The following TATDN1 variants were observed in gnomAD, a reference collection of about 807,000 sequenced individuals.
The protein encoded by TATDN1 is deoxyribonuclease TATDN1.
Under a neutral mutation model 46.4 loss-of-function variants are expected in TATDN1, and 40 were observed. The ratio of observed to expected loss-of-function variants is 0.86; its 90% CI spans 0.67 to 1.12. The LOEUF (loss-of-function observed/expected upper bound fraction) is 1.12, where lower values mean the gene tolerates loss of function less well. TATDN1 is among the 50% of genes most tolerant of loss of function. TATDN1 has a pLI of 0.00. For missense variants in TATDN1, 326 were observed against 348.4 expected (o/e 0.94, Z 0.51); for synonymous variants, 95 against 105.6 (o/e 0.90, Z 0.62).
intron 3 of TATDN1, chr8:124,521,496 A>T (rs1291792936): frequency 6.6e-6 from 1 of 152,222 alleles, no homozygotes; most frequent in East Asian, 1.9e-4. Flanking sequence ...AATAACAAAT[A>T]AAAGTTTAGA....
chr8:124,490,766 T>TGA (rs1283007006), intron 11 of TATDN1, among the ~76,000 whole-genome samples: 5 of 146,186 alleles, frequency 3.4e-5, no homozygotes, highest in Admixed American at 2.1e-4. Context: ...TTTTTTTTTT[T>TGA]GAGAGAGTCT....
intron 1 of TATDN1, among the ~76,000 whole-genome samples, chr8:124,525,825 A>C (rs1820438579): frequency 1.3e-5 from 2 of 152,342 alleles, no homozygotes; most frequent in South Asian, 4.1e-4. Flanking sequence ...CTCATGATGT[A>C]ATCATGAAAA....
intron 6 of TATDN1, among the ~76,000 whole-genome samples, chr8:124,512,144 C>T (rs1342723419): frequency 6.6e-6 from 1 of 152,102 alleles, no homozygotes; most frequent in Non-Finnish European, 1.5e-5. Flanking sequence ...AAATCATGGC[C>T]GGGTGCAGTG....
At chr8:124,511,068 T>C (rs1396163716) in intron 6 of TATDN1, among the ~76,000 whole-genome samples, 1 of 152,174 alleles carries the variant, frequency 6.6e-6, no homozygotes, top group African/African-American at 2.4e-5. Context: ...AGTTACAGGG[T>C]AGGAATTGGC....
At chr8:124,523,064 A>C in intron 1 of TATDN1, 62 bp from the exon 2 acceptor site, 1 of 1,457,966 alleles carries the variant, frequency 6.9e-7, no homozygotes, top group South Asian at 1.2e-5. Context: ...GTACTTAAAT[A>C]AAAAGCTTCT....
At chr8:124,525,716 T>C (rs924688208) in intron 1 of TATDN1, among the ~76,000 whole-genome samples, 1 of 152,254 alleles carries the variant, frequency 6.6e-6, no homozygotes, top group Non-Finnish European at 1.5e-5. Context: ...GAATCAGCTT[T>C]AGCCATACTG....
chr8:124,524,441 GA>G (rs1420334010), intron 1 of TATDN1, among the ~76,000 whole-genome samples: 2 of 152,120 alleles, frequency 1.3e-5, no homozygotes, highest in African/African-American at 4.8e-5. Context: ...GTAAGTACAG[GA>G]AATTAGATAA....
chr8:124,505,050 T>C (rs965536799), intron 8 of TATDN1, among the ~76,000 whole-genome samples: 6 of 150,390 alleles, frequency 4.0e-5, no homozygotes, highest in Non-Finnish European at 8.9e-5. Context: ...CCACCGCGCC[T>C]GGCCGAGGAT....
intron 4 of TATDN1, among the ~76,000 whole-genome samples, chr8:124,518,262 C>T (rs1366850621): frequency 1.4e-5 from 2 of 143,610 alleles, no homozygotes; most frequent in African/African-American, 5.2e-5. Flanking sequence ...CAGTGGCTCA[C>T]GCCTGTAATC....
intron 8 of TATDN1, 169 bp from the exon 9 acceptor site, chr8:124,504,516 A>G (rs1030725053): frequency 7.1e-6 from 3 of 420,732 alleles, no homozygotes; most frequent in Non-Finnish European, 1.3e-5. Context: ...ATTTTTCACA[A>G]TTACAACCTG....
At chr8:124,528,219 G>T (rs1218481625) in intron 1 of TATDN1, among the ~76,000 whole-genome samples, 1 of 151,986 alleles carries the variant, frequency 6.6e-6, no homozygotes, top group East Asian at 1.9e-4. Flanking sequence ...TGTCACCCAG[G>T]CTGGAGTACA....
intron 11 of TATDN1, chr8:124,488,922 A>C: frequency 2.2e-6 from 1 of 458,224 alleles, no homozygotes. Context: ...AACCAGGTTC[A>C]AGTAAATTAT....
intron 6 of TATDN1, among the ~76,000 whole-genome samples, chr8:124,513,646 T>C (rs1819218006): frequency 1.3e-5 from 2 of 152,236 alleles, no homozygotes. Flanking sequence ...AAACTGATAC[T>C]GTCAATGTTT....
intron 1 of TATDN1, among the ~76,000 whole-genome samples, chr8:124,529,518 C>A (rs554718702): frequency 1.3e-5 from 2 of 152,218 alleles, no homozygotes; most frequent in African/African-American, 4.8e-5. Context: ...AACAGTGTGC[C>A]CAAAGCTGTG....
chr8:124,500,765 A>C (rs1328755604), intron 9 of TATDN1, among the ~76,000 whole-genome samples: 1 of 151,900 alleles, frequency 6.6e-6, no homozygotes, highest in East Asian at 1.9e-4. Flanking sequence ...AAAAAAAAAA[A>C]ACAAAACCAA....
chr8:124,534,345 G>A (rs776405581), intron 1 of TATDN1, among the ~76,000 whole-genome samples: 3 of 152,014 alleles, frequency 2.0e-5, no homozygotes, highest in African/African-American at 4.8e-5. Context: ...TTCAGTGACC[G>A]TAAGTTTTAC....
At position 124,508,596 on chromosome 8, in the gene TATDN1, A is replaced by G. The variant is rs185176095; in HGVS notation, c.475+7T>C. The G allele has an allele frequency of 8.3e-5, 133 of 1,607,006 alleles. No individual in the cohort carries two copies. In the African/African-American group the frequency reaches 1.7e-3, roughly 21 times the overall value. On this transcript the variant is annotated splice_region_variant and intron_variant, in intron 7 of 11. Coordinates refer to ENST00000276692, the MANE Select transcript of TATDN1 (RefSeq NM_032026.4). ...AAGTTCTGAATGAGACTTTGGTTTT[A>G]ACTCACCCAAAAATTCAGCATGTGA...
intron 1 of TATDN1, among the ~76,000 whole-genome samples, chr8:124,529,598 G>T (rs1382932922): frequency 6.6e-6 from 1 of 152,206 alleles, no homozygotes; most frequent in African/African-American, 2.4e-5. Context: ...ATACTCCTGA[G>T]GATGTCTTAA....
At chr8:124,494,042 A>C in intron 10 of TATDN1, 83 bp from the exon 11 acceptor site, 2 of 1,319,188 alleles carry the variant, frequency 1.5e-6, no homozygotes, top group South Asian at 1.8e-5. Flanking sequence ...ATAACCTCTA[A>C]ATGATAAACC....
Sources: allele counts gnomAD v4.1 joint callset (sites outside exome capture counted in the v4.1 genomes callset), GRCh38; gene constraint gnomAD v4.1.1; transcripts MANE v1.5; gene names NCBI Gene and HGNC (gene_info 2026-07-23, HGNC 2026-07-21).